Variants in NCKAP5 observed in about 807,000 individuals in gnomAD.
NCKAP5 encodes nck-associated protein 5.
A neutral mutation model predicts 167.0 loss-of-function variants in NCKAP5; 92 were observed. The ratio of observed to expected loss-of-function variants is 0.55; its 90% CI spans 0.47 to 0.66. NCKAP5 has a LOEUF of 0.66. Ranked by LOEUF, NCKAP5 falls within the 30% of genes least tolerant of loss-of-function variation. NCKAP5 has a pLI of 0.00. For missense variants in NCKAP5, 2,378 were observed against 2,315.0 expected (o/e 1.03, Z -0.56); for synonymous variants, 891 against 877.4 (o/e 1.02, Z -0.27).
At chr2:133,115,578 T>C (rs2082044631) in intron 6 of NCKAP5, among the ~76,000 whole-genome samples, 2 of 151,704 alleles carry the variant, frequency 1.3e-5, no homozygotes, top group African/African-American at 4.8e-5. Flanking sequence ...CAAAACAAGG[T>C]TTATTAAGAG....
At chr2:132,798,298 A>G (rs917193763) in intron 11 of NCKAP5, among the ~76,000 whole-genome samples, 1 of 152,190 alleles carries the variant, frequency 6.6e-6, no homozygotes, top group African/African-American at 2.4e-5. Context: ...CATCATACTT[A>G]GTAAGCAGCC....
intron 8 of NCKAP5, chr2:132,929,802 T>G (rs1696220746): frequency 1.3e-5 from 2 of 152,236 alleles, no homozygotes; most frequent in Admixed American, 1.3e-4. Flanking sequence ...TATTGGTCAC[T>G]ATGCTGACTT....
At chr2:133,608,114 AT>A in the NCKAP5 span, among the ~76,000 whole-genome samples, 1 of 152,036 alleles carries the variant, frequency 6.6e-6, no homozygotes. Context: ...AGAGTTGTTT[AT>A]TCTATTTGAT....
At chr2:133,423,605 A>G (rs1689616920) in intron 3 of NCKAP5, among the ~76,000 whole-genome samples, 1 of 152,152 alleles carries the variant, frequency 6.6e-6, no homozygotes, top group African/African-American at 2.4e-5. Flanking sequence ...GATGTTTGAC[A>G]TTTATCTTGC....
At chr2:132,874,672 A>G (rs950538093) in intron 9 of NCKAP5, among the ~76,000 whole-genome samples, 3 of 152,094 alleles carry the variant, frequency 2.0e-5, no homozygotes, top group Admixed American at 6.6e-5. Flanking sequence ...GTCGTCACTG[A>G]CTGTAAGGGC....
At chr2:133,093,347 C>A (rs1051413435) in intron 6 of NCKAP5, among the ~76,000 whole-genome samples, 1 of 152,238 alleles carries the variant, frequency 6.6e-6, no homozygotes, top group Middle Eastern at 3.4e-3. Flanking sequence ...TAAGAGTTAT[C>A]TTTAGATGCA....
At chr2:132,913,585 A>T (rs180930468) in intron 8 of NCKAP5, among the ~76,000 whole-genome samples, 2 of 152,186 alleles carry the variant, frequency 1.3e-5, no homozygotes, top group Admixed American at 1.3e-4. Flanking sequence ...AATTTTTTCC[A>T]TAAGGCTGGT....
chr2:133,146,343 G>A (rs1356393511), intron 5 of NCKAP5, among the ~76,000 whole-genome samples: 2 of 152,026 alleles, frequency 1.3e-5, no homozygotes, highest in African/African-American at 4.8e-5. Context: ...TAGATAAAAT[G>A]GGAGGAGGGA....
At chr2:132,808,082 A>G (rs1304670848) in intron 11 of NCKAP5, among the ~76,000 whole-genome samples, 1 of 152,146 alleles carries the variant, frequency 6.6e-6, no homozygotes, top group Non-Finnish European at 1.5e-5. Context: ...AGGTTAAACC[A>G]TCCCTGCACT....
At chr2:133,256,661 A>G (rs1439001292) in intron 4 of NCKAP5, among the ~76,000 whole-genome samples, 1 of 152,126 alleles carries the variant, frequency 6.6e-6, no homozygotes, top group East Asian at 1.9e-4. Flanking sequence ...GCCCACATGA[A>G]CCAGTAGAGA....
rs915855401 is a variant in NCKAP5, at chr2:133,513,437, T to G, written c.69+4021A>C. On this transcript the variant is annotated intron_variant, in intron 3 of 19. Coordinates refer to ENST00000409261, the MANE Select transcript of NCKAP5 (RefSeq NM_207363.3). ...CTCCCATTGGCTAAACCCAACCAGA[T>G]GCCAAAAGGCAAGTCCATGTGGTGC... 3.9e-5 allele frequency among the ~76,000 whole-genome samples: 6 copies of G among 152,294 alleles called. No homozygotes were observed. The East Asian group carries it at 9.7e-4, about 25-fold the overall frequency.
intron 4 of NCKAP5, among the ~76,000 whole-genome samples, chr2:133,260,700 C>G (rs1328300671): frequency 1.3e-5 from 2 of 152,066 alleles, no homozygotes; most frequent in African/African-American, 4.8e-5. Context: ...AAGAACTGCA[C>G]TACGATATTA....
intron 2 of NCKAP5, among the ~76,000 whole-genome samples, chr2:133,550,591 C>T (rs1399774110): frequency 5.2e-4 from 32 of 61,366 alleles, no homozygotes; most frequent in African/African-American, 9.0e-4. Context: ...ATTGATGGGA[C>T]GTATTTCAAA....
At chr2:132,986,134 T>C (rs2077280165) in intron 7 of NCKAP5, among the ~76,000 whole-genome samples, 2 of 152,190 alleles carry the variant, frequency 1.3e-5, no homozygotes. Flanking sequence ...TTGAGCTCTC[T>C]TAAGAGTTCA....
At chr2:132,960,524 G>A (rs2076480788) in intron 8 of NCKAP5, among the ~76,000 whole-genome samples, 2 of 152,132 alleles carry the variant, frequency 1.3e-5, no homozygotes, top group South Asian at 4.1e-4. Context: ...CCTTCCTAGG[G>A]TTGGATTTTG....
intron 6 of NCKAP5, among the ~76,000 whole-genome samples, chr2:133,052,472 C>T (rs886391206): frequency 2.0e-4 from 30 of 152,118 alleles, no homozygotes; most frequent in Non-Finnish European, 4.3e-4. Flanking sequence ...AATTCCAGCT[C>T]TTTGGGAGGC....
chr2:132,778,009 A>G (rs1020492439), intron 15 of NCKAP5, among the ~76,000 whole-genome samples: 3 of 152,108 alleles, frequency 2.0e-5, no homozygotes, highest in Non-Finnish European at 4.4e-5. Flanking sequence ...GTGATAGTTA[A>G]ATAGGAGCCT....
chr2:133,456,829 A>G (rs10179591), intron 3 of NCKAP5, among the ~76,000 whole-genome samples: 10,522 of 152,208 alleles, frequency 0.069, 432 homozygotes, highest in African/African-American at 0.1. Flanking sequence ...AGTAAACTTT[A>G]CCAGTCTAAG....
At chr2:132,748,190 T>C (rs1425049710) in intron 16 of NCKAP5, among the ~76,000 whole-genome samples, 1 of 152,192 alleles carries the variant, frequency 6.6e-6, no homozygotes, top group Non-Finnish European at 1.5e-5. Flanking sequence ...AGCCACACAC[T>C]CCCATGTCTA....
Sources: allele counts gnomAD v4.1 joint callset (sites outside exome capture counted in the v4.1 genomes callset), GRCh38; gene constraint gnomAD v4.1.1; transcripts MANE v1.5; gene names NCBI Gene and HGNC (gene_info 2026-07-23, HGNC 2026-07-21).